The following AKT3 variants were observed in gnomAD, a reference collection of about 807,000 sequenced individuals.
AKT3 encodes the protein RAC-gamma serine/threonine-protein kinase.
AKT3 carries 15 observed loss-of-function variants against 65.3 expected under a neutral mutation model. The ratio of observed to expected loss-of-function variants is 0.23; its 90% CI spans 0.15 to 0.35. The LOEUF is 0.35. Among genes scored for constraint, AKT3 ranks in the 10% least tolerant of loss-of-function variants. The pLI, the probability that AKT3 is intolerant of heterozygous loss-of-function variation, is 1.00. For synonymous variants in AKT3, 206 were observed against 183.8 expected (o/e 1.12, Z -0.98); for missense variants, 243 against 576.5 (o/e 0.42, Z 5.92).
chr1:243,535,765 T>C (rs767599875), intron 12 of AKT3, among the ~76,000 whole-genome samples: 5 of 152,222 alleles, frequency 3.3e-5, no homozygotes, highest in Non-Finnish European at 4.4e-5. Context: ...GATCGAATGG[T>C]ACATCTACTA....
At chr1:243,693,240 TTTGATATATATATATATATA>T (rs1459380405) in intron 3 of AKT3, among the ~76,000 whole-genome samples, 5 of 56,498 alleles carry the variant, frequency 8.8e-5, no homozygotes, top group African/African-American at 2.6e-4. Context: ...GTAGCTACAA[TTTGATATATATATATATATA>T]TATATATATA....
chr1:243,788,635 GAC>G (rs1463612228), intron 2 of AKT3: 1 of 152,178 alleles, frequency 6.6e-6, no homozygotes, highest in Non-Finnish European at 1.5e-5. Flanking sequence ...CAGTTCATAT[GAC>G]AGTTATGTTT....
At chr1:243,496,281 G>A (rs1234080242), downstream of AKT3, among the ~76,000 whole-genome samples, 3 of 152,186 alleles carry the variant, frequency 2.0e-5, no homozygotes, top group Admixed American at 6.5e-5. Flanking sequence ...GGGCGGAGCC[G>A]GGCCTGGCTG....
intron 6 of AKT3, among the ~76,000 whole-genome samples, chr1:243,636,839 A>G (rs1680010255): frequency 1.3e-5 from 2 of 152,170 alleles, no homozygotes; most frequent in Non-Finnish European, 2.9e-5. Context: ...ATTGACTTGT[A>G]AAGGAGTTGA....
chr1:243,573,077 G>C (rs772537274), intron 8 of AKT3, 29 bp from the exon 9 acceptor site: 1 of 1,606,638 alleles, frequency 6.2e-7, no homozygotes, highest in East Asian at 2.2e-5. Flanking sequence ...GGACAGGATT[G>C]TAATAATTAC....
chr1:243,704,316 C>G (rs1267060182), intron 2 of AKT3, among the ~76,000 whole-genome samples: 1 of 152,102 alleles, frequency 6.6e-6, no homozygotes, highest in Non-Finnish European at 1.5e-5. Context: ...ATAAATGATA[C>G]AAGCATAGTC....
intron 12 of AKT3, among the ~76,000 whole-genome samples, chr1:243,527,870 A>AACACACAC (rs56956606): frequency 3.2e-4 from 32 of 99,244 alleles, no homozygotes; most frequent in Non-Finnish European, 5.5e-4. Flanking sequence ...CATCTCTTAA[A>AACACACAC]ACACACACAC....
chr1:243,499,276 A>C (rs1392393844), downstream of AKT3, among the ~76,000 whole-genome samples: 2 of 152,226 alleles, frequency 1.3e-5, no homozygotes, highest in Non-Finnish European at 2.9e-5. Flanking sequence ...AGGTTACAAT[A>C]AATTGCTTGC....
At chr1:243,490,356 G>A (rs576258593) in intron 13 of AKT3, among the ~76,000 whole-genome samples, 15 of 152,350 alleles carry the variant, frequency 9.8e-5, no homozygotes, top group Admixed American at 8.5e-4. Context: ...AGCCACAGCC[G>A]CACTGCCACA....
chr1:243,556,612 C>T (rs926443914), intron 10 of AKT3, among the ~76,000 whole-genome samples: 4 of 152,074 alleles, frequency 2.6e-5, no homozygotes, highest in Non-Finnish European at 5.9e-5. Flanking sequence ...AAACTGTCTG[C>T]ACACCTATGC....
chr1:243,680,354 A>C (rs1487717865), intron 3 of AKT3, among the ~76,000 whole-genome samples: 1 of 152,142 alleles, frequency 6.6e-6, no homozygotes, highest in African/African-American at 2.4e-5. Flanking sequence ...ATAGTTCAGA[A>C]ACATTATTGT....
intron 2 of AKT3, among the ~76,000 whole-genome samples, chr1:243,829,704 C>T (rs1190743512): frequency 6.6e-6 from 1 of 152,094 alleles, no homozygotes; most frequent in African/African-American, 2.4e-5. Context: ...GAGTAACACC[C>T]AGCAATGGCT....
At chr1:243,544,702 T>G (rs1672541175) in intron 12 of AKT3, among the ~76,000 whole-genome samples, 2 of 84,422 alleles carry the variant, frequency 2.4e-5, no homozygotes. Flanking sequence ...TTTTTTGTTT[T>G]TTGTTTTTTT....
chr1:243,491,744 C>T (rs1326216056), intron 13 of AKT3, among the ~76,000 whole-genome samples: 3 of 152,150 alleles, frequency 2.0e-5, no homozygotes, highest in African/African-American at 7.2e-5. Context: ...TGCGGTGCCG[C>T]CTGAGGGCTC....
intron 11 of AKT3, 87 bp from the exon 12 acceptor site, chr1:243,545,684 T>A (rs1245095930): frequency 1.0e-6 from 1 of 963,994 alleles, no homozygotes; most frequent in Non-Finnish European, 1.6e-6. Context: ...AAAGTGTAAT[T>A]TTCTGTGTAA....
intron 2 of AKT3, among the ~76,000 whole-genome samples, chr1:243,730,502 G>C (rs1022728018): frequency 1.3e-5 from 2 of 152,216 alleles, no homozygotes; most frequent in Non-Finnish European, 2.9e-5. Context: ...CTGCAGGAGT[G>C]AAAAGCAGTG....
chr1:243,753,192 T>A (rs1237171208), intron 2 of AKT3, among the ~76,000 whole-genome samples: 1 of 152,220 alleles, frequency 6.6e-6, no homozygotes, highest in Non-Finnish European at 1.5e-5. Flanking sequence ...TGCCTAAACC[T>A]TTTTAAAAGT....
At chr1:243,652,561 T>C (rs1681435489) in intron 4 of AKT3, among the ~76,000 whole-genome samples, 1 of 151,954 alleles carries the variant, frequency 6.6e-6, no homozygotes. Flanking sequence ...ACTAACCAGC[T>C]AGCATCATAA....
chr1:243,714,466 A>G (rs1281350909), intron 2 of AKT3, among the ~76,000 whole-genome samples: 3 of 152,194 alleles, frequency 2.0e-5, no homozygotes, highest in Admixed American at 6.5e-5. Flanking sequence ...TGTTGATAAG[A>G]TTTCTGATAT....
Sources: allele counts gnomAD v4.1 joint callset (sites outside exome capture counted in the v4.1 genomes callset), GRCh38; gene constraint gnomAD v4.1.1; transcripts MANE v1.5; gene names NCBI Gene and HGNC (gene_info 2026-07-23, HGNC 2026-07-21).